Variants in SLC2A13 observed in about 807,000 individuals in gnomAD.
The protein encoded by SLC2A13 is proton myo-inositol cotransporter.
SLC2A13 carries 32 observed loss-of-function variants against 64.4 expected under a neutral mutation model. The observed-to-expected ratio is 0.50, with a 90% CI of 0.37 to 0.67. SLC2A13 has a LOEUF of 0.67. SLC2A13 is among the 30% of genes least tolerant of loss of function. The pLI, the probability that SLC2A13 is intolerant of heterozygous loss-of-function variation, is 0.00. For missense variants in SLC2A13, 743 were observed against 829.2 expected (o/e 0.90, Z 1.28); for synonymous variants, 338 against 327.1 (o/e 1.03, Z -0.36).
chr12:40,071,724 G>A (rs1057278835), intron 1 of SLC2A13, among the ~76,000 whole-genome samples: 1 of 152,120 alleles, frequency 6.6e-6, no homozygotes, highest in African/African-American at 2.4e-5. Context: ...TAGGGATAGA[G>A]TTATTCATAG....
chr12:39,988,064 G>C (rs539279549), intron 3 of SLC2A13, among the ~76,000 whole-genome samples: 1 of 151,922 alleles, frequency 6.6e-6, no homozygotes, highest in Non-Finnish European at 1.5e-5. Context: ...AGTTTTTCGC[G>C]ACTACAAACA....
chr12:39,831,252 C>T (rs74086726), intron 6 of SLC2A13, among the ~76,000 whole-genome samples: 2,418 of 152,166 alleles, frequency 0.016, 62 homozygotes, highest in African/African-American at 0.055. Context: ...TTCATTTTAA[C>T]GATGAGAGCT....
chr12:40,024,412 C>T (rs1385995224), intron 3 of SLC2A13, among the ~76,000 whole-genome samples: 4 of 152,136 alleles, frequency 2.6e-5, no homozygotes, highest in Non-Finnish European at 2.9e-5. Context: ...CTTAATAAAA[C>T]AGAATTTTGC....
chr12:39,909,684 T>A (rs1497052), intron 4 of SLC2A13, among the ~76,000 whole-genome samples: 150,328 of 152,178 alleles, frequency 0.99, 74,293 homozygotes, highest in Middle Eastern at 1. Context: ...TGATTTTTAA[T>A]TTCAGCCCCC....
intron 7 of SLC2A13, among the ~76,000 whole-genome samples, chr12:39,810,868 C>T (rs374747748): frequency 2.2e-3 from 342 of 152,136 alleles, no homozygotes; most frequent in Admixed American, 4.1e-3. Flanking sequence ...GGAGATACTG[C>T]GATGTTCATC....
At chr12:40,037,946 C>T (rs1402810725) in intron 2 of SLC2A13, among the ~76,000 whole-genome samples, 5 of 152,136 alleles carry the variant, frequency 3.3e-5, no homozygotes, top group Non-Finnish European at 2.9e-5. Context: ...TTTAATCAGT[C>T]GTAGCCAGTG....
chr12:40,076,671 T>C (rs1938188191), intron 1 of SLC2A13, among the ~76,000 whole-genome samples: 2 of 152,128 alleles, frequency 1.3e-5, no homozygotes, highest in Non-Finnish European at 2.9e-5. Flanking sequence ...ATATACCCAG[T>C]AAGGGGACTG....
chr12:39,809,631 T>A lies in SLC2A13; in HGVS notation c.1445+20472A>T, dbSNP rs927154757. ...TTAACTCGTCATTTAGCATCAGGTA[T>A]ATCTCCTAATGCTATCCTTTCCCCA... On this transcript the variant is annotated intron_variant, in intron 7 of 9. Coordinates refer to ENST00000280871, the MANE Select transcript of SLC2A13 (RefSeq NM_052885.4). Among the ~76,000 whole-genome samples the A allele has an allele frequency of 1.2e-4, 18 of 152,320 alleles. No individual in the cohort carries two copies. The East Asian group carries it at 2.3e-3, about 20-fold the overall frequency.
chr12:39,799,738 G>A (rs771519045), intron 7 of SLC2A13, among the ~76,000 whole-genome samples: 1 of 152,088 alleles, frequency 6.6e-6, no homozygotes, highest in Admixed American at 6.5e-5. Context: ...TTAAAGTTAG[G>A]CCTATTATAC....
intron 3 of SLC2A13, among the ~76,000 whole-genome samples, chr12:40,007,044 C>T (rs926415950): frequency 6.6e-6 from 1 of 152,130 alleles, no homozygotes. Context: ...AATTAGCTAA[C>T]AGTCATGTGT....
chr12:39,857,763 C>T (rs2135909489), intron 6 of SLC2A13, among the ~76,000 whole-genome samples: 1 of 152,286 alleles, frequency 6.6e-6, no homozygotes, highest in Middle Eastern at 3.4e-3. Context: ...TATTTTGGTG[C>T]CATTCTCTTG....
chr12:40,029,082 G>T (rs1402066409), intron 2 of SLC2A13, among the ~76,000 whole-genome samples: 1 of 151,984 alleles, frequency 6.6e-6, no homozygotes, highest in Non-Finnish European at 1.5e-5. Context: ...AAAAAAAGAT[G>T]GAGTCAGAAA....
chr12:40,016,396 G>A (rs1253321718), intron 3 of SLC2A13, among the ~76,000 whole-genome samples: 1 of 152,144 alleles, frequency 6.6e-6, no homozygotes, highest in East Asian at 1.9e-4. Flanking sequence ...AGAACCATGA[G>A]TTTCCAATTA....
intron 3 of SLC2A13, among the ~76,000 whole-genome samples, chr12:39,964,637 T>C (rs994883884): frequency 3.3e-5 from 5 of 152,232 alleles, no homozygotes; most frequent in Non-Finnish European, 7.4e-5. Context: ...ACAAGGAAGA[T>C]GCATACATGA....
chr12:39,952,064 A>G (rs1490673044), intron 3 of SLC2A13, among the ~76,000 whole-genome samples: 1 of 152,148 alleles, frequency 6.6e-6, no homozygotes, highest in Admixed American at 6.6e-5. Flanking sequence ...ATGAACTTTC[A>G]AAATGGCAGA....
At chr12:40,039,324 A>G (rs1218422233) in intron 2 of SLC2A13, among the ~76,000 whole-genome samples, 1 of 152,214 alleles carries the variant, frequency 6.6e-6, no homozygotes, top group Non-Finnish European at 1.5e-5. Context: ...TAATAGCATT[A>G]AAGTGTGTCT....
chr12:39,912,941 C>A lies in SLC2A13; in HGVS notation c.1034+38316G>T, dbSNP rs12813530. On this transcript the variant is annotated intron_variant, in intron 4 of 9. Coordinates refer to ENST00000280871, the MANE Select transcript of SLC2A13 (RefSeq NM_052885.4). Reference sequence around the variant, plus strand: ...TTTATATGTGACCACAGATTTATGGCGTAGGAAGAAGTACTAGTGGCTTCT... The same window carrying A: ...TTTATATGTGACCACAGATTTATGGAGTAGGAAGAAGTACTAGTGGCTTCT... Among the ~76,000 whole-genome samples the A allele has an allele frequency of 2.0e-5, 3 of 151,934 alleles. No individual in the cohort carries two copies. In the South Asian group the frequency reaches 6.2e-4, roughly 31 times the overall value.
intron 4 of SLC2A13, among the ~76,000 whole-genome samples, chr12:39,896,242 A>C (rs1236557963): frequency 1.0e-5 from 1 of 100,142 alleles, no homozygotes; most frequent in Non-Finnish European, 2.3e-5. Flanking sequence ...ATGTGTATAT[A>C]TGTATACATG....
intron 3 of SLC2A13, among the ~76,000 whole-genome samples, chr12:40,002,309 G>T (rs1448735079): frequency 4.1e-4 from 62 of 152,220 alleles, no homozygotes; most frequent in African/African-American, 1.4e-3. Flanking sequence ...GTTAAGTAAT[G>T]TATCCAACAA....
Sources: allele counts gnomAD v4.1 joint callset (sites outside exome capture counted in the v4.1 genomes callset), GRCh38; gene constraint gnomAD v4.1.1; transcripts MANE v1.5; gene names NCBI Gene and HGNC (gene_info 2026-07-23, HGNC 2026-07-21).